VEPH1: variants seen among roughly 807,000 people sequenced by gnomAD.
VEPH1 encodes the protein ventricular zone expressed PH domain containing 1, also known as ventricular zone-expressed PH domain-containing protein homolog 1.
VEPH1 carries 80 observed loss-of-function variants against 85.2 expected under a neutral mutation model. That is an observed-to-expected ratio of 0.94 (90% CI 0.78 to 1.13). VEPH1 has a LOEUF of 1.13. Among genes scored for constraint, VEPH1 ranks in the 50% most tolerant of loss-of-function variants. The pLI is 0.00. For missense variants in VEPH1, 955 were observed against 980.5 expected, an observed-to-expected ratio of 0.97 and a Z score of 0.35; for synonymous variants, 297 against 348.0, an observed-to-expected ratio of 0.85 and a Z score of 1.63.
intron 6 of VEPH1, among the ~76,000 whole-genome samples, chr3:157,400,318 T>C (rs1442977592): frequency 2.0e-5 from 3 of 152,262 alleles, no homozygotes; most frequent in African/African-American, 7.2e-5. Context: ...TTGGATTTAG[T>C]TCAGGTCTAT....
chr3:157,395,700 C>CA (rs1730313542), intron 6 of VEPH1, among the ~76,000 whole-genome samples: 1 of 152,066 alleles, frequency 6.6e-6, no homozygotes. Flanking sequence ...TCTTTGTCAC[C>CA]AATTTTCTTT....
chr3:157,440,904 T>C (rs1240480942), intron 4 of VEPH1, among the ~76,000 whole-genome samples: 3 of 152,178 alleles, frequency 2.0e-5, no homozygotes, highest in African/African-American at 7.2e-5. Context: ...CTTGAAAGAA[T>C]GTACTTCTCT....
chr3:157,262,806 A>G (rs1399659148), intron 13 of VEPH1, among the ~76,000 whole-genome samples: 1 of 152,188 alleles, frequency 6.6e-6, no homozygotes, highest in Non-Finnish European at 1.5e-5. Flanking sequence ...AAATTCTTTT[A>G]GGGTACACAG....
At chr3:157,499,518 A>G (rs1739938539) in intron 1 of VEPH1, 1 of 152,284 alleles carries the variant, frequency 6.6e-6, no homozygotes, top group East Asian at 1.9e-4. Context: ...GTGAACCTGA[A>G]GTTGTTCATT....
chr3:157,461,576 A>G (rs1340556536), intron 3 of VEPH1, among the ~76,000 whole-genome samples: 2 of 152,230 alleles, frequency 1.3e-5, no homozygotes, highest in Non-Finnish European at 2.9e-5. Flanking sequence ...AGAGAAAACT[A>G]TATTCTTAGA....
chr3:157,434,488 T>A (rs986697791), intron 4 of VEPH1, among the ~76,000 whole-genome samples: 3 of 152,122 alleles, frequency 2.0e-5, no homozygotes, highest in Non-Finnish European at 4.4e-5. Context: ...ATTTTTAAAT[T>A]TTTTGTGCAG....
intron 12 of VEPH1, among the ~76,000 whole-genome samples, chr3:157,272,463 C>T (rs56150358): frequency 0.27 from 30,752 of 115,730 alleles, 4,321 homozygotes; most frequent in Admixed American, 0.47. Context: ...CTTTCTTCTC[C>T]CTTTCTTTTT....
At chr3:157,370,398 G>A (rs1727358421) in intron 7 of VEPH1, among the ~76,000 whole-genome samples, 2 of 152,204 alleles carry the variant, frequency 1.3e-5, no homozygotes, top group Admixed American at 1.3e-4. Context: ...CTCCTGCAGA[G>A]TTAAGCTTGT....
intron 6 of VEPH1, among the ~76,000 whole-genome samples, chr3:157,395,139 C>T (rs1325680823): frequency 1.3e-5 from 2 of 152,166 alleles, no homozygotes; most frequent in Non-Finnish European, 2.9e-5. Context: ...TGGTCAAAAG[C>T]AATGCTATGT....
At chr3:157,444,413 G>A (rs1734384523) in intron 4 of VEPH1, among the ~76,000 whole-genome samples, 1 of 152,210 alleles carries the variant, frequency 6.6e-6, no homozygotes, top group African/African-American at 2.4e-5. Flanking sequence ...TAATTTTTGA[G>A]TATGTTCATC....
At chr3:157,345,488 T>C (rs890355942) in intron 9 of VEPH1, among the ~76,000 whole-genome samples, 1 of 152,182 alleles carries the variant, frequency 6.6e-6, no homozygotes, top group Non-Finnish European at 1.5e-5. Context: ...AGATATCATC[T>C]CACACCAGTT....
Position 157,416,145 on chromosome 3 carries a change from T to C in VEPH1, c.697-2055A>G, listed in dbSNP as rs1228639458. On this transcript the variant is annotated intron_variant, in intron 5 of 13. Transcript: ENST00000362010. ...AGTTAATAAGTTTTTGAGCAATAAATCAAAGGAAGGTAAGTGTAATTTATA... is the reference window on the plus strand; with the variant it reads ...AGTTAATAAGTTTTTGAGCAATAAACCAAAGGAAGGTAAGTGTAATTTATA... 3.9e-5 allele frequency among the ~76,000 whole-genome samples: 6 copies of C among 152,246 alleles called. No homozygotes were observed. In the East Asian group the frequency reaches 5.8e-4, roughly 15 times the overall value.
intron 2 of VEPH1, among the ~76,000 whole-genome samples, chr3:157,492,233 A>G (rs1173274706): frequency 6.6e-6 from 1 of 152,240 alleles, no homozygotes; most frequent in African/African-American, 2.4e-5. Context: ...AATCAATAAA[A>G]GTATTTCTTA....
chr3:157,474,579 G>A (rs16827716), intron 2 of VEPH1, among the ~76,000 whole-genome samples: 7,909 of 152,206 alleles, frequency 0.052, 681 homozygotes, highest in African/African-American at 0.18. Context: ...AGTACATAGA[G>A]TATACAGAAG....
intron 4 of VEPH1, among the ~76,000 whole-genome samples, chr3:157,432,324 T>G (rs1373069303): frequency 6.6e-6 from 1 of 152,138 alleles, no homozygotes; most frequent in Non-Finnish European, 1.5e-5. Flanking sequence ...CTTAATATAG[T>G]CAACTGTTTT....
At chr3:157,311,514 T>TGCCACATAA (rs1327474801) in intron 11 of VEPH1, among the ~76,000 whole-genome samples, 1 of 152,238 alleles carries the variant, frequency 6.6e-6, no homozygotes, top group African/African-American at 2.4e-5. Context: ...CAGATAAATT[T>TGCCACATAA]GCCACATAAT....
intron 3 of VEPH1, among the ~76,000 whole-genome samples, chr3:157,469,789 C>T (rs1736746376): frequency 6.6e-6 from 1 of 152,120 alleles, no homozygotes; most frequent in African/African-American, 2.4e-5. Context: ...AGCGGCTGAG[C>T]CAAAACTCCA....
chr3:157,305,036 A>ATATCTATCTATCTATCTATCTATCTATC lies in VEPH1; in HGVS notation c.2010+8557_2010+8584dup, dbSNP rs10530716. On this transcript the variant is annotated intron_variant, in intron 11 of 13. Coordinates refer to ENST00000362010, the MANE Select transcript of VEPH1 (RefSeq NM_001167912.2). ...TAGTTGTCTCTCACTGTGTATTGTTATATCTATCTATCTATCTATCTATCT... is the reference window on the plus strand; with the variant it reads ...TAGTTGTCTCTCACTGTGTATTGTTATATCTATCTATCTATCTATCTATCTATCTATCTATCTATCTATCTATCTATCT... Among the ~76,000 whole-genome samples, 838 of 139,566 alleles carry ATATCTATCTATCTATCTATCTATCTATC rather than the reference A, an allele frequency of 6.0e-3. 4 individuals are homozygous for ATATCTATCTATCTATCTATCTATCTATC. Among genetic ancestry groups the ATATCTATCTATCTATCTATCTATCTATC allele is most frequent in the East Asian group, 0.015 (71 of 4,692 alleles). The allele number at this position is 139,566 out of a possible 152,430, so 91.6% of individuals were successfully genotyped here.
At chr3:157,383,802 G>A (rs553291079) in intron 6 of VEPH1, among the ~76,000 whole-genome samples, 1 of 152,276 alleles carries the variant, frequency 6.6e-6, no homozygotes, top group African/African-American at 2.4e-5. Flanking sequence ...CCTGGAATAT[G>A]TTCCTGGAGA....
Sources: gnomAD v4.1 joint callset for allele counts (sites outside exome capture counted in the v4.1 genomes callset) on GRCh38, gnomAD v4.1.1 for gene constraint, MANE v1.5 for transcripts, NCBI Gene and HGNC (gene_info 2026-07-23, HGNC 2026-07-21) for gene names.